Variants in JDP2 observed in about 807,000 individuals in gnomAD.
JDP2 encodes Jun dimerization protein 2, also known as progesterone receptor co-activator.
Under a neutral mutation model 17.1 loss-of-function variants are expected in JDP2, and 9 were observed. That is an observed-to-expected ratio of 0.53 (90% CI 0.32 to 0.92). JDP2 has a LOEUF of 0.92. Ranked by LOEUF, JDP2 falls within the 40% of genes least tolerant of loss-of-function variation. The pLI is 0.04. For missense variants in JDP2, 179 were observed against 220.0 expected, an observed-to-expected ratio of 0.81 and a Z score of 1.18; for synonymous variants, 107 against 95.6, an observed-to-expected ratio of 1.12 and a Z score of -0.69.
rs143048457 is a variant in JDP2, at chr14:75,443,924, A to G, written c.201+5803A>G. On this transcript the variant is annotated intron_variant, in intron 2 of 3. Coordinates refer to ENST00000651602, the MANE Select transcript of JDP2 (RefSeq NM_001135048.2). The stretch of plus-strand genomic sequence containing the variant: ...GTTGTTATGAATTTTTTTTTTTGAG[A>G]CAGATTCTCACTCTGTTGCCCAGGC... Among the ~76,000 whole-genome samples the G allele has an allele frequency of 5.5e-3, 824 of 150,692 alleles. 5 individuals are homozygous for G. Among genetic ancestry groups the G allele is most frequent in the East Asian group, 0.022 (115 of 5,142 alleles).
intron 1 of JDP2, among the ~76,000 whole-genome samples, chr14:75,432,955 A>G (rs1245721418): frequency 6.6e-6 from 1 of 151,848 alleles, no homozygotes; most frequent in African/African-American, 2.4e-5. Context: ...TAATCCCAGC[A>G]CTTTGGGAGG....
chr14:75,465,748 C>T (rs1426571068), intron 3 of JDP2, among the ~76,000 whole-genome samples: 1 of 152,210 alleles, frequency 6.6e-6, no homozygotes, highest in East Asian at 1.9e-4. Context: ...GGATTAAAAG[C>T]CAGGACACCC....
chr14:75,436,215 T>A (rs1188921309), intron 1 of JDP2, among the ~76,000 whole-genome samples: 1 of 151,754 alleles, frequency 6.6e-6, no homozygotes, highest in Non-Finnish European at 1.5e-5. Flanking sequence ...CTCTCTGGAA[T>A]GATCTAGACC....
chr14:75,469,383 C>A lies in JDP2; in HGVS notation c.400C>A (p.Arg134=), dbSNP rs768690259. 1 of 1,614,130 alleles carries A rather than the reference C, an allele frequency of 6.2e-7. No individual in the cohort carries two copies. Among genetic ancestry groups the A allele is most frequent in the Non-Finnish European group, 8.5e-7 (1 of 1,180,018 alleles). The part of the protein sequence containing the change: ...ERQQLILMLN[R]HRPTCIVRTD... Reference sequence around the variant, plus strand: ...GCAGCAGCTCATCCTGATGCTGAACCGACACCGCCCCACCTGCATCGTCCG... The same window carrying A: ...GCAGCAGCTCATCCTGATGCTGAACAGACACCGCCCCACCTGCATCGTCCG... Residue 134 remains arginine, a synonymous_variant, in exon 4 of 4, where the codon CGA becomes AGA. Coordinates refer to ENST00000651602, the MANE Select transcript of JDP2 (RefSeq NM_001135048.2).
At position 75,469,422 on chromosome 14, in the gene JDP2, A is replaced by G. The variant is rs1886717961; in HGVS notation, c.439A>G (p.Lys147Glu). Reference protein sequence around the residue: ...PTCIVRTDSVKTPESEGNPLL... With the variant: ...PTCIVRTDSVETPESEGNPLL... Reference sequence around the variant, plus strand: ...CTGCATCGTCCGGACCGACAGTGTCAAGACCCCCGAGTCAGAAGGCAACCC... The same window carrying G: ...CTGCATCGTCCGGACCGACAGTGTCGAGACCCCCGAGTCAGAAGGCAACCC... Residue 147 changes from lysine to glutamate, a missense_variant, in exon 4 of 4, where the codon AAG (lysine) becomes GAG (glutamate). Transcript: ENST00000651602. 2 of 1,614,102 alleles carry G rather than the reference A, an allele frequency of 1.2e-6. No individual in the cohort carries two copies. Among genetic ancestry groups the G allele is most frequent in the Non-Finnish European group, 1.7e-6 (2 of 1,180,000 alleles).
intron 1 of JDP2, among the ~76,000 whole-genome samples, chr14:75,435,436 AGACAAT>A (rs1885021382): frequency 6.6e-6 from 1 of 152,196 alleles, no homozygotes; most frequent in South Asian, 2.1e-4. Flanking sequence ...CCTCTGTGCA[AGACAAT>A]GACCCTCTAC....
chr14:75,441,806 C>G (rs1023099201), intron 2 of JDP2, among the ~76,000 whole-genome samples: 1 of 152,206 alleles, frequency 6.6e-6, no homozygotes, highest in Non-Finnish European at 1.5e-5. Context: ...TGTAGCCCCT[C>G]ACAGCTGGAC....
At chr14:75,442,917 A>T (rs1209566822) in intron 2 of JDP2, among the ~76,000 whole-genome samples, 1 of 152,130 alleles carries the variant, frequency 6.6e-6, no homozygotes, top group Non-Finnish European at 1.5e-5. Context: ...ACCCCGAGGA[A>T]TCGGTGCATA....
At chr14:75,455,109 G>A (rs906888898) in intron 2 of JDP2, among the ~76,000 whole-genome samples, 4 of 152,224 alleles carry the variant, frequency 2.6e-5, no homozygotes, top group East Asian at 1.9e-4. Flanking sequence ...GTCCTTAATC[G>A]GCTCCAGGGC....
At chr14:75,443,481 A>G (rs1566739163) in intron 2 of JDP2, among the ~76,000 whole-genome samples, 1 of 152,222 alleles carries the variant, frequency 6.6e-6, no homozygotes, top group Non-Finnish European at 1.5e-5. Flanking sequence ...CTCTTGGAAC[A>G]GAATCTCCCA....
At chr14:75,450,606 G>T (rs1885806228) in intron 2 of JDP2, among the ~76,000 whole-genome samples, 1 of 152,216 alleles carries the variant, frequency 6.6e-6, no homozygotes, top group Non-Finnish European at 1.5e-5. Context: ...AGCGTCCAGT[G>T]TGTGGGTTTG....
intron 2 of JDP2, among the ~76,000 whole-genome samples, chr14:75,438,482 A>G (rs1885181335): frequency 6.6e-6 from 1 of 152,118 alleles, no homozygotes; most frequent in Non-Finnish European, 1.5e-5. Context: ...AGATAATGGG[A>G]ATGGGAATGT....
intron 2 of JDP2, among the ~76,000 whole-genome samples, chr14:75,458,072 C>A (rs1462916745): frequency 1.3e-5 from 2 of 152,176 alleles, no homozygotes; most frequent in East Asian, 3.9e-4. Context: ...TTCAGGCTAG[C>A]AGGGAAAACA....
At chr14:75,441,023 G>A (rs1425663396) in intron 2 of JDP2, among the ~76,000 whole-genome samples, 1 of 152,174 alleles carries the variant, frequency 6.6e-6, no homozygotes, top group Non-Finnish European at 1.5e-5. Flanking sequence ...TGGGGAGGCT[G>A]GATGAACCTG....
intron 3 of JDP2, among the ~76,000 whole-genome samples, chr14:75,467,238 T>C (rs1000300997): frequency 6.6e-6 from 1 of 152,198 alleles, no homozygotes; most frequent in African/African-American, 2.4e-5. Context: ...GCCTGGGTCT[T>C]TGTTCACTCA....
intron 2 of JDP2, among the ~76,000 whole-genome samples, chr14:75,454,760 A>G (rs1053570533): frequency 1.3e-5 from 2 of 152,148 alleles, no homozygotes; most frequent in Admixed American, 1.3e-4. Context: ...CCCGGGGGAC[A>G]GGGAAGAACT....
chr14:75,469,567 T>G lies in JDP2; in HGVS notation c.*92T>G, dbSNP rs1427892676. 1 of 1,137,390 alleles carries G rather than the reference T, an allele frequency of 8.8e-7. No individual in the cohort carries two copies. Among genetic ancestry groups the G allele is most frequent in the Non-Finnish European group, 1.3e-6 (1 of 799,788 alleles). 70.5% of individuals were successfully genotyped at this position (1,137,390 alleles called of 1,614,324 possible). ...GGGGGGCCCCAGATGGCCCTTCCTTTGGTGCATGAAAAACTGTACAATGAG... is the reference window on the plus strand; with the variant it reads ...GGGGGGCCCCAGATGGCCCTTCCTTGGGTGCATGAAAAACTGTACAATGAG... On this transcript the variant is annotated 3_prime_UTR_variant, in exon 4 of 4. Coordinates refer to ENST00000651602, the MANE Select transcript of JDP2 (RefSeq NM_001135048.2).
chr14:75,463,178 G>A (rs1886412507), intron 3 of JDP2, among the ~76,000 whole-genome samples: 1 of 152,240 alleles, frequency 6.6e-6, no homozygotes, highest in Non-Finnish European at 1.5e-5. Flanking sequence ...CCCAATGAAT[G>A]GCACTCACTG....
chr14:75,435,864 G>A (rs888320508), intron 1 of JDP2, among the ~76,000 whole-genome samples: 3 of 152,174 alleles, frequency 2.0e-5, no homozygotes, highest in Non-Finnish European at 4.4e-5. Flanking sequence ...CACAGTTAGA[G>A]GAGCCTGAGG....
Sources: allele counts gnomAD v4.1 joint callset (sites outside exome capture counted in the v4.1 genomes callset), GRCh38; gene constraint gnomAD v4.1.1; transcripts MANE v1.5; gene names NCBI Gene and HGNC (gene_info 2026-07-23, HGNC 2026-07-21).